PHRF1: variants seen among roughly 807,000 people sequenced by gnomAD.
The protein encoded by PHRF1 is PHD and RING finger domain-containing protein 1.
In PHRF1, 53 loss-of-function variants were observed where a neutral mutation model predicts 128.9. That is an observed-to-expected ratio of 0.41 (90% confidence interval 0.33 to 0.52). PHRF1 has a LOEUF of 0.52. Among genes scored for constraint, PHRF1 ranks in the 20% least tolerant of loss-of-function variants. The pLI is 0.21. For synonymous variants in PHRF1, 1,178 were observed against 980.6 expected (o/e 1.20, Z -3.76); for missense variants, 2,503 against 2,284.5 (o/e 1.10, Z -1.95).
At chr11:582,304 G>C (rs1422904998) in intron 3 of PHRF1, among the ~76,000 whole-genome samples, 1 of 139,816 alleles carries the variant, frequency 7.2e-6, no homozygotes, top group Non-Finnish European at 1.5e-5. Flanking sequence ...TCGCTCTGTT[G>C]CCCAGGCTGG....
chr11:576,814 C>CCTGCGG (rs1325018481), intron 1 of PHRF1, among the ~76,000 whole-genome samples: 1 of 81,504 alleles, frequency 1.2e-5, no homozygotes, highest in Non-Finnish European at 2.9e-5. Flanking sequence ...TGGGAGGCCC[C>CCTGCGG]GCCGAGACTG....
chr11:609,579 A>G lies in PHRF1; in HGVS notation c.4123A>G (p.Ser1375Gly). The change falls in exon 14 of 18, where the codon AGT (serine) becomes GGT (glycine). Residue 1375 changes from serine (S) to glycine (G), a missense_variant. Ser to Gly is a moderately conservative substitution (Grantham distance 56, BLOSUM62 0). Coordinates refer to ENST00000264555, the MANE Select transcript of PHRF1 (RefSeq NM_001286581.2). ...PAGKEDSPSA[S>G]GRVQEAARPE... Reference sequence around the variant, plus strand: ...GGGGAAGGAAGACAGCCCCTCTGCGAGTGGGAGGGTACAGGAGGCAGCCCG... The same window carrying G: ...GGGGAAGGAAGACAGCCCCTCTGCGGGTGGGAGGGTACAGGAGGCAGCCCG... 6.3e-7 allele frequency: 1 copy of G among 1,597,438 alleles called. No individual in the cohort carries two copies. Among genetic ancestry groups the G allele is most frequent in the Non-Finnish European group, 8.5e-7 (1 of 1,173,664 alleles).
chr11:609,777 C>G (rs1051927530), intron 14 of PHRF1, 57 bp downstream of exon 14: 1 of 1,264,784 alleles, frequency 7.9e-7, no homozygotes, highest in Non-Finnish European at 1.1e-6. Flanking sequence ...AAGGCCCTGG[C>G]CCCCGCCGAG....
In PHRF1 at chr11:609,720, CG is replaced by C. The variant is rs1564871892; in HGVS notation, c.4264+1del. 6.8e-7 allele frequency: 1 copy of C among 1,477,230 alleles called. No individual in the cohort carries two copies. The highest frequency in any genetic ancestry group is 1.3e-5 in the South Asian group (1 of 74,670). The allele number at this position is 1,477,230 out of a possible 1,614,324, so 91.5% of individuals were successfully genotyped here. A position where few individuals can be genotyped will look rare whatever the true frequency, so the allele number is the denominator to read the frequency against. On this transcript the variant is annotated splice_donor_variant, in intron 14 of 17. Transcript: ENST00000264555. LOFTEE classifies it high-confidence loss of function. ...CGCCCCCGCCGAGGACAGAGCCCCC[CG>C]TGAGTAGTGCCCCGGCCCCCACCGA...
chr11:578,320 G>A (rs1854004293), intron 1 of PHRF1, among the ~76,000 whole-genome samples: 3 of 152,218 alleles, frequency 2.0e-5, no homozygotes, highest in Non-Finnish European at 4.4e-5. Flanking sequence ...TCAGCCTCAC[G>A]TAACCTGAAC....
rs937887691 is a variant in PHRF1, at chr11:609,831, A to C, written c.4264+111A>C. The C allele has an allele frequency of 3.4e-5, 25 of 735,196 alleles. No individual in the cohort carries two copies. The Admixed American group carries it at 7.7e-4, about 23-fold the overall frequency. The allele number at this position is 735,196 out of a possible 1,614,324, so 45.5% of individuals were successfully genotyped here. A position where few individuals can be genotyped will look rare whatever the true frequency, so the allele number is the denominator to read the frequency against. ...TAAGGCCCCGGCCTCCACCGAGGAC[A>C]GAGCCCCCCGTGAGTAGGGCCCTGG... On this transcript the variant is annotated intron_variant, in intron 14 of 17. Transcript: ENST00000264555.
Position 594,267 on chromosome 11 carries a change from G to A in PHRF1, c.620+1593G>A, listed in dbSNP as rs748411133. 9.3e-4 allele frequency among the ~76,000 whole-genome samples: 141 copies of A among 151,264 alleles called. No homozygotes were observed. The Middle Eastern group carries it at 0.01, about 11-fold the overall frequency. ...GCTGGACACGGCCTGAGAGACCATG[G>A]CATGATAGACCTGGTCCTGGTCGCC... On this transcript the variant is annotated intron_variant, in intron 6 of 17. Coordinates refer to ENST00000264555, the MANE Select transcript of PHRF1 (RefSeq NM_001286581.2).
At position 605,603 on chromosome 11, in the gene PHRF1, A is replaced by G. The variant is rs1564860724; in HGVS notation, c.1335-2A>G. The G allele has an allele frequency of 6.2e-7, 1 of 1,613,440 alleles. No individual in the cohort carries two copies. The highest frequency in any genetic ancestry group is 8.5e-7 in the Non-Finnish European group (1 of 1,179,658). ...CCCTTTGGCCTGTGTCCTCCCCTCTAGCAGTGAAGAGCTTTCTGCAAACCC... is the reference window on the plus strand; with the variant it reads ...CCCTTTGGCCTGTGTCCTCCCCTCTGGCAGTGAAGAGCTTTCTGCAAACCC... On this transcript the variant is annotated splice_acceptor_variant, in intron 11 of 17. Coordinates refer to ENST00000264555, the MANE Select transcript of PHRF1 (RefSeq NM_001286581.2). LOFTEE classifies it high-confidence loss of function.
Position 610,070 on chromosome 11 carries a change from G to A in PHRF1, c.4265-126G>A, listed in dbSNP as rs972887656. On this transcript the variant is annotated intron_variant, in intron 14 of 17. Coordinates refer to ENST00000264555, the MANE Select transcript of PHRF1 (RefSeq NM_001286581.2). Reference sequence around the variant, plus strand: ...CTCGCAACCTCCCCTTGGTGCTGGGGGTGGATCTGAGGGCTGCTCTGTGGT... The same window carrying A: ...CTCGCAACCTCCCCTTGGTGCTGGGAGTGGATCTGAGGGCTGCTCTGTGGT... The A allele has an allele frequency of 6.4e-6, 8 of 1,243,250 alleles. No homozygotes were observed. In the South Asian group the frequency reaches 1.2e-4, roughly 18 times the overall value. 77.0% of individuals were successfully genotyped at this position (1,243,250 alleles called of 1,614,324 possible).
rs761162956 is a variant in PHRF1 at position 607,868 on chromosome 11, C to T, written c.2412C>T (p.Asp804=). The T allele has an allele frequency of 5.1e-5, 82 of 1,612,770 alleles. 2 individuals carry two copies. The South Asian group carries it at 5.2e-4, about 10-fold the overall frequency. The change falls in exon 14 of 18, where the codon GAC becomes GAT. Residue 804 remains aspartate, a synonymous_variant. Transcript: ENST00000264555. ...PGFCNTFRPV[D]DKEQRKENPS... ...TCTGTAACACGTTCCGGCCTGTGGACGATAAGGAGCAGAGGAAGGAGAACC... is the reference window on the plus strand; with the variant it reads ...TCTGTAACACGTTCCGGCCTGTGGATGATAAGGAGCAGAGGAAGGAGAACC...
rs1854200013 is a variant in PHRF1 at position 581,524 on chromosome 11, C to T, written c.12C>T (p.Asp4=). Residue 4 remains aspartate (D), a synonymous_variant, in exon 2 of 18, where the codon GAC becomes GAT. Transcript: ENST00000264555. The part of the protein sequence containing the change: MDD[D]SLDELVARSP... ...CTCAATGTGCAGCAATGGATGACGA[C>T]AGCCTGGATGAGCTTGTGGCCCGGA... 6.2e-7 allele frequency: 1 copy of T among 1,613,540 alleles called. No homozygotes were observed. Among genetic ancestry groups the T allele is most frequent in the African/African-American group, 1.3e-5 (1 of 74,934 alleles).
rs1262512165 is a variant in PHRF1 at position 608,344 on chromosome 11, T to A, written c.2888T>A (p.Val963Glu). 6 of 1,610,124 alleles carry A rather than the reference T, an allele frequency of 3.7e-6. No individual in the cohort carries two copies. The highest frequency in any genetic ancestry group is 5.1e-6 in the Non-Finnish European group (6 of 1,179,016). ...FGSEERTVTC[V>E]TVVEPEAPPS... ...TCTGAGGAGCGGACGGTGACCTGTG[T>A]GACTGTCGTGGAGCCGGAAGCCCCA... is the stretch of plus-strand genomic sequence containing the variant. Residue 963 changes from valine (V) to glutamate (E), a missense_variant, in exon 14 of 18, where the codon GTG becomes GAG. Val to Glu is a moderately radical substitution (Grantham distance 121). Coordinates refer to ENST00000264555, the MANE Select transcript of PHRF1 (RefSeq NM_001286581.2).
At chr11:590,677 G>A (rs989738808) in intron 4 of PHRF1, among the ~76,000 whole-genome samples, 10 of 152,134 alleles carry the variant, frequency 6.6e-5, no homozygotes, top group African/African-American at 1.2e-4. Context: ...AATTTGCAAC[G>A]TATACCTGAC....
At chr11:577,695 G>A (rs1853964263) in intron 1 of PHRF1, among the ~76,000 whole-genome samples, 1 of 152,246 alleles carries the variant, frequency 6.6e-6, no homozygotes, top group Admixed American at 6.5e-5. Flanking sequence ...GTGAATACAA[G>A]AATAAAAGTC....
At chr11:599,253 C>CTTTTTTT (rs754658303) in intron 9 of PHRF1, among the ~76,000 whole-genome samples, 71 of 104,992 alleles carry the variant, frequency 6.8e-4, no homozygotes, top group Non-Finnish European at 9.1e-4. Context: ...TTTTTCTTTT[C>CTTTTTTT]TTTTTTTTTT....
At chr11:588,376 T>A (rs1277488915) in intron 4 of PHRF1, among the ~76,000 whole-genome samples, 1 of 151,104 alleles carries the variant, frequency 6.6e-6, no homozygotes, top group Non-Finnish European at 1.5e-5. Context: ...CTTAGACTTT[T>A]CTTTTTTTTT....
intron 1 of PHRF1, among the ~76,000 whole-genome samples, chr11:581,250 A>G (rs1252675938): frequency 6.6e-6 from 1 of 151,744 alleles, no homozygotes; most frequent in African/African-American, 2.4e-5. Flanking sequence ...TCTGTGGGTG[A>G]TATCTTAGGG....
In PHRF1 at chr11:606,494, C is replaced by T. The variant is rs1855950402; in HGVS notation, c.1507C>T (p.Pro503Ser). The change falls in exon 13 of 18, where the codon CCT (proline) becomes TCT (serine). Residue 503 changes from proline (P) to serine (S), a missense_variant. By Grantham distance (74) the Pro-to-Ser change is moderately conservative (BLOSUM62 -1). Coordinates refer to ENST00000264555, the MANE Select transcript of PHRF1 (RefSeq NM_001286581.2). ...GCCAGACTTGGAGGAGGAGCCAGTG[C>T]CTGACCTGCTGGGCAGCATCCTGTC... ...PEPDLEEEPV[P>S]DLLGSILSGQ... The T allele has an allele frequency of 1.2e-6, 2 of 1,602,200 alleles. No homozygotes were observed. Among genetic ancestry groups the T allele is most frequent in the Admixed American group, 3.4e-5 (2 of 59,152 alleles).
rs773358563 is a variant in PHRF1 at position 609,128 on chromosome 11, G to T, written c.3672G>T (p.Gly1224=). The change falls in exon 14 of 18, where the codon GGG becomes GGT. Residue 1224 remains glycine, a synonymous_variant. Transcript: ENST00000264555. ...EDLPTRLPAL[G]EAHVSPEVAT... ...TCCCCACCAGGTTGCCAGCCTTGGG[G>T]GAAGCACATGTCTCGCCGGAGGTGG... 1 of 1,606,340 alleles carries T rather than the reference G, an allele frequency of 6.2e-7. No homozygotes were observed.
Sources: gnomAD v4.1 joint callset for allele counts (sites outside exome capture counted in the v4.1 genomes callset) on GRCh38, gnomAD v4.1.1 for gene constraint, MANE v1.5 for transcripts, NCBI Gene and HGNC (gene_info 2026-07-23, HGNC 2026-07-21) for gene names.